Variants in RMDN1 observed in about 807,000 individuals in gnomAD.
RMDN1 encodes regulator of microtubule dynamics protein 1.
In RMDN1, 48 loss-of-function variants were observed where a neutral mutation model predicts 48.9. That is an observed-to-expected ratio of 0.98 (90% CI 0.78 to 1.25). The LOEUF (loss-of-function observed/expected upper bound fraction) is 1.25. Ranked by LOEUF, RMDN1 falls within the 50% of genes most tolerant of loss-of-function variation. The probability of loss-of-function intolerance (pLI) is 0.00; values close to 1 mark genes in which losing one functional copy is unlikely to be tolerated. For missense variants in RMDN1, 418 were observed against 373.4 expected (o/e 1.12, Z -0.98); for synonymous variants, 148 against 132.6 (o/e 1.12, Z -0.80).
chr8:86,488,543 A>G lies in RMDN1; in HGVS notation c.335+9T>C, dbSNP rs539045891. 2 of 1,592,344 alleles carry G rather than the reference A, an allele frequency of 1.3e-6. No individual in the cohort carries two copies. Among genetic ancestry groups the G allele is most frequent in the Non-Finnish European group, 1.7e-6 (2 of 1,165,760 alleles). On this transcript the variant is annotated intron_variant, in intron 3 of 9. Coordinates refer to ENST00000406452, the MANE Select transcript of RMDN1 (RefSeq NM_016033.3). ...AACCACAAGCCTAGGCCTATCCTACATTGCTTACCTTTCCTTGTATTGGGT... is the reference window on the plus strand; with the variant it reads ...AACCACAAGCCTAGGCCTATCCTACGTTGCTTACCTTTCCTTGTATTGGGT...
At chr8:86,488,474 C>T in intron 3 of RMDN1, 78 bp downstream of exon 3, 1 of 730,196 alleles carries the variant, frequency 1.4e-6, no homozygotes, top group Non-Finnish European at 2.2e-6. Context: ...AAACCTCAAG[C>T]ACTAAGGGTC....
chr8:86,473,087 C>T lies in RMDN1; in HGVS notation c.*1221G>A, dbSNP rs904489583. Reference sequence around the variant, plus strand: ...CCAAGTATTTCAGATAAGGGATACACAACCTATATAGCAAAATCACTGAAT... The same window carrying T: ...CCAAGTATTTCAGATAAGGGATACATAACCTATATAGCAAAATCACTGAAT... On this transcript the variant is annotated 3_prime_UTR_variant, in exon 10 of 10. Transcript: ENST00000406452. 5.0e-5 allele frequency: 49 copies of T among 983,212 alleles called. No homozygotes were observed. Among genetic ancestry groups the T allele is most frequent in the Non-Finnish European group, 5.9e-5 (49 of 827,944 alleles). 60.9% of individuals were successfully genotyped at this position (983,212 alleles called of 1,614,324 possible). A position where few individuals can be genotyped will look rare whatever the true frequency, so the allele number is the denominator to read the frequency against.
intron 2 of RMDN1, among the ~76,000 whole-genome samples, chr8:86,502,459 T>G (rs1818415351): frequency 6.6e-6 from 1 of 152,142 alleles, no homozygotes; most frequent in South Asian, 2.1e-4. Flanking sequence ...TTGCCCATGC[T>G]GGTCTTAAAC....
chr8:86,471,386 G>A (rs146551044), downstream of RMDN1, among the ~76,000 whole-genome samples: 583 of 150,494 alleles, frequency 3.9e-3, 3 homozygotes, highest in Middle Eastern at 0.024. Context: ...ACATCCCTAG[G>A]GAAAAAAAAT....
chr8:86,483,280 C>T (rs187063588), intron 5 of RMDN1, among the ~76,000 whole-genome samples: 426 of 152,228 alleles, frequency 2.8e-3, no homozygotes, highest in African/African-American at 9.7e-3. Context: ...ATAACCTTCA[C>T]TGTTTTTTAA....
At chr8:86,504,409 C>T in intron 2 of RMDN1, 1 of 1,558,986 alleles carries the variant, frequency 6.4e-7, no homozygotes, top group Non-Finnish European at 8.8e-7. Context: ...TTCCATTGTG[C>T]TCCAGCTCTC....
downstream of RMDN1, among the ~76,000 whole-genome samples, chr8:86,470,980 T>C (rs1273769187): frequency 6.6e-6 from 1 of 152,080 alleles, no homozygotes; most frequent in Non-Finnish European, 1.5e-5. Context: ...AAAATCTACA[T>C]GTGATAGAAT....
At chr8:86,497,094 A>G (rs533747850) in intron 2 of RMDN1, among the ~76,000 whole-genome samples, 10 of 152,356 alleles carry the variant, frequency 6.6e-5, no homozygotes, top group African/African-American at 2.4e-4. Flanking sequence ...GAAACTAATG[A>G]AAACAAAGAT....
chr8:86,476,657 T>C (rs1357098420), intron 8 of RMDN1, among the ~76,000 whole-genome samples: 1 of 152,204 alleles, frequency 6.6e-6, no homozygotes, highest in Non-Finnish European at 1.5e-5. Context: ...CCTGGCTGAA[T>C]AGCAGAATTC....
intron 8 of RMDN1, 39 bp from the exon 9 acceptor site, chr8:86,474,992 G>C (rs1813128394): frequency 6.6e-7 from 1 of 1,524,814 alleles, no homozygotes; most frequent in Non-Finnish European, 8.8e-7. Flanking sequence ...AGAGGAAACA[G>C]TGTTGCTTTT....
chr8:86,494,709 G>A, intron 2 of RMDN1: 1 of 218,284 alleles, frequency 4.6e-6, no homozygotes, highest in South Asian at 5.5e-5. Context: ...ACAAATATCA[G>A]CTGGCTGTGG....
rs751578240 is a variant in RMDN1 at position 86,508,627 on chromosome 8, C to G, written c.-7G>C. 2 of 1,597,944 alleles carry G rather than the reference C, an allele frequency of 1.3e-6. No homozygotes were observed. Among genetic ancestry groups the G allele is most frequent in the Non-Finnish European group, 1.7e-6 (2 of 1,172,884 alleles). The stretch of plus-strand genomic sequence containing the variant: ...GTCGAGCAGCCAGCGCCATGACCTG[C>G]AACTTGCGGGCTGACCCTGCACTAC... On this transcript the variant is annotated 5_prime_UTR_variant, in exon 1 of 10. Transcript: ENST00000406452.
At chr8:86,499,900 T>C (rs193085978) in intron 2 of RMDN1, among the ~76,000 whole-genome samples, 16 of 152,254 alleles carry the variant, frequency 1.1e-4, no homozygotes, top group African/African-American at 3.4e-4. Flanking sequence ...TACAACTATC[T>C]GACCTTCAAA....
rs779137445 is a variant in RMDN1, at chr8:86,474,926, A to T, written c.788T>A (p.Leu263Ter). 1 of 1,610,198 alleles carries T rather than the reference A, an allele frequency of 6.2e-7. No individual in the cohort carries two copies. The highest frequency in any genetic ancestry group is 8.5e-7 in the Non-Finnish European group (1 of 1,178,946). Residue 263 changes from leucine (L) to a stop codon, truncating the protein, a stop_gained, in exon 9 of 10, where the codon TTA becomes TAA. Transcript: ENST00000406452. LOFTEE classifies it high-confidence loss of function. ...QVDPNFYSKNLLLLGKTYLKL... is the reference protein window; with the variant it reads ...QVDPNFYSKN ...CAAGTATGTCTTTCCTAAAAGAAGT[A>T]AGTTTTTGCTGTAGAAGTTTGGATC... is the stretch of plus-strand genomic sequence containing the variant.
intron 2 of RMDN1, among the ~76,000 whole-genome samples, chr8:86,503,371 C>CAAAAAAAAA (rs1182231210): frequency 3.2e-4 from 22 of 67,962 alleles, no homozygotes; most frequent in African/African-American, 5.0e-4. Context: ...CAAAACAAAA[C>CAAAAAAAAA]AAAAAAAAAA....
chr8:86,493,503 A>G (rs978339880), intron 2 of RMDN1, among the ~76,000 whole-genome samples: 10 of 152,228 alleles, frequency 6.6e-5, no homozygotes, highest in Non-Finnish European at 1.5e-4. Context: ...GCTTTAAAAG[A>G]GAAGAAAATT....
intron 8 of RMDN1, 94 bp from the exon 9 acceptor site, chr8:86,475,047 T>C: frequency 9.1e-7 from 1 of 1,100,246 alleles, no homozygotes; most frequent in Non-Finnish European, 1.3e-6. Context: ...AATAAATTTG[T>C]GTGGTCAATA....
In RMDN1 at chr8:86,472,508, A is replaced by T. The variant is rs959386900; in HGVS notation, c.*1800T>A. On this transcript the variant is annotated 3_prime_UTR_variant, in exon 10 of 10. Coordinates refer to ENST00000406452, the MANE Select transcript of RMDN1 (RefSeq NM_016033.3). ...CAAAAATAAAATTACAGTATACAAT[A>T]ACCTTTTAAAATACAGCATCATTAA... 3 of 700,662 alleles carry T rather than the reference A, an allele frequency of 4.3e-6. No homozygotes were observed. Among genetic ancestry groups the T allele is most frequent in the Non-Finnish European group, 2.6e-6 (1 of 384,702 alleles). 43.4% of individuals were successfully genotyped at this position (700,662 alleles called of 1,614,324 possible).
At chr8:86,504,443 T>C (rs1347388805) in intron 2 of RMDN1, 2 of 1,560,676 alleles carry the variant, frequency 1.3e-6, no homozygotes, top group South Asian at 1.1e-5. Context: ...GGAATCAATG[T>C]TGTGTTCTAT....
Sources: allele counts gnomAD v4.1 joint callset (sites outside exome capture counted in the v4.1 genomes callset), GRCh38; gene constraint gnomAD v4.1.1; transcripts MANE v1.5; gene names NCBI Gene and HGNC (gene_info 2026-07-23, HGNC 2026-07-21).